Variants in ZNRF3 observed in about 807,000 individuals in gnomAD.
The protein encoded by ZNRF3 is E3 ubiquitin-protein ligase ZNRF3.
Under a neutral mutation model 72.5 loss-of-function variants are expected in ZNRF3, and 23 were observed. The observed-to-expected ratio is 0.32, with a 90% CI of 0.23 to 0.45. The LOEUF is 0.45. Among genes scored for constraint, ZNRF3 ranks in the 20% least tolerant of loss-of-function variants. The probability of loss-of-function intolerance (pLI) is 1.00; values close to 1 mark genes in which losing one functional copy is unlikely to be tolerated. For synonymous variants in ZNRF3, 610 were observed against 545.3 expected (o/e 1.12, Z -1.65); for missense variants, 1,169 against 1,272.1 (o/e 0.92, Z 1.23).
intron 1 of ZNRF3, among the ~76,000 whole-genome samples, chr22:28,968,705 G>A (rs1419999773): frequency 6.6e-6 from 1 of 152,094 alleles, no homozygotes; most frequent in East Asian, 1.9e-4. Flanking sequence ...GTGAAACTCC[G>A]TCTCCAAAAA....
At position 28,902,382 on chromosome 22, in the gene ZNRF3, C is replaced by CT. The variant is rs894089876; in HGVS notation, c.300+18326dup. 2.3e-3 allele frequency among the ~76,000 whole-genome samples: 337 copies of CT among 146,732 alleles called. 2 individuals carry two copies. Among genetic ancestry groups the CT allele is most frequent in the African/African-American group, 7.6e-3 (302 of 39,888 alleles). On this transcript the variant is annotated intron_variant, in intron 1 of 8. Coordinates refer to ENST00000544604, the MANE Select transcript of ZNRF3 (RefSeq NM_001206998.2). ...CGCAGACACCCAGCATTTGCCAGGC[C>CT]TTTTTTTTTTCTTTTTTTGAGATGG... is the stretch of plus-strand genomic sequence containing the variant.
At chr22:29,026,810 G>A (rs2036644976) in intron 2 of ZNRF3, 1 of 152,236 alleles carries the variant, frequency 6.6e-6, no homozygotes, top group African/African-American at 2.4e-5. Context: ...GATCATTGTT[G>A]TTTGGAGGCT....
intron 1 of ZNRF3, among the ~76,000 whole-genome samples, chr22:28,944,096 T>C (rs2035001489): frequency 6.6e-6 from 1 of 152,116 alleles, no homozygotes; most frequent in African/African-American, 2.4e-5. Flanking sequence ...CAATCATTTT[T>C]ATAAAAAGAT....
intron 1 of ZNRF3, among the ~76,000 whole-genome samples, chr22:28,886,311 C>A (rs1200243519): frequency 6.6e-6 from 1 of 152,162 alleles, no homozygotes; most frequent in Non-Finnish European, 1.5e-5. Flanking sequence ...TTTAGGGCCG[C>A]TGAGAGGGAA....
chr22:28,886,194 G>A (rs1326131951), intron 1 of ZNRF3, among the ~76,000 whole-genome samples: 1 of 152,188 alleles, frequency 6.6e-6, no homozygotes, highest in Non-Finnish European at 1.5e-5. Flanking sequence ...GTGTACAAAG[G>A]CTAGCATGCT....
In ZNRF3 at chr22:29,050,255, G is replaced by A; in HGVS notation, c.2074G>A (p.Gly692Arg). Residue 692 changes from glycine (G) to arginine (R), a missense_variant, in exon 8 of 9, where the codon GGG becomes AGG. Physicochemically the swap from Gly to Arg is moderately radical, Grantham distance 125. Coordinates refer to ENST00000544604, the MANE Select transcript of ZNRF3 (RefSeq NM_001206998.2). ...AGAAGTGGGGCTCGAGGCTTCTCCT[G>A]GGGCCGCCCCTGACCTCAGGAGGAC... ...TSEVGLEASPGAAPDLRRTWK... is the reference protein window; with the variant it reads ...TSEVGLEASPRAAPDLRRTWK... The A allele has an allele frequency of 1.3e-6, 2 of 1,598,850 alleles. No individual in the cohort carries two copies. The highest frequency in any genetic ancestry group is 1.7e-6 in the Non-Finnish European group (2 of 1,179,518).
chr22:29,017,998 T>G, intron 2 of ZNRF3: 1 of 519,066 alleles, frequency 1.9e-6, no homozygotes, highest in Non-Finnish European at 3.8e-6. Context: ...AGCTGGAAGA[T>G]GTGCGTATGC....
chr22:28,922,406 C>G (rs2034526435), intron 1 of ZNRF3, among the ~76,000 whole-genome samples: 1 of 152,142 alleles, frequency 6.6e-6, no homozygotes, highest in African/African-American at 2.4e-5. Context: ...ATTTAGCACC[C>G]TAGATGCCTG....
intron 1 of ZNRF3, among the ~76,000 whole-genome samples, chr22:28,927,972 G>C (rs957559196): frequency 6.6e-6 from 1 of 152,136 alleles, no homozygotes; most frequent in Non-Finnish European, 1.5e-5. Context: ...TGTTGTGCCT[G>C]TTGTATTTTG....
intron 1 of ZNRF3, among the ~76,000 whole-genome samples, chr22:28,899,483 G>T (rs2034064639): frequency 6.6e-6 from 1 of 152,160 alleles, no homozygotes; most frequent in Admixed American, 6.6e-5. Context: ...AGGGACCACG[G>T]TGACTGGGGC....
chr22:29,015,668 TAAAA>T (rs56728614), intron 2 of ZNRF3, among the ~76,000 whole-genome samples: 2 of 139,522 alleles, frequency 1.4e-5, no homozygotes. Flanking sequence ...AGATTCTGTT[TAAAA>T]AAAAAAAAAA....
intron 1 of ZNRF3, among the ~76,000 whole-genome samples, chr22:28,884,271 G>A (rs2033727326): frequency 6.6e-6 from 1 of 152,014 alleles, no homozygotes; most frequent in African/African-American, 2.4e-5. Context: ...GCGCACGTGG[G>A]GGCTAGAGCT....
chr22:29,026,888 T>A (rs1039440056), intron 2 of ZNRF3: 2 of 152,218 alleles, frequency 1.3e-5, no homozygotes, highest in African/African-American at 4.8e-5. Context: ...AAAAGCTCAA[T>A]TGTTTATTGC....
At chr22:28,889,090 G>C (rs760329054) in intron 1 of ZNRF3, among the ~76,000 whole-genome samples, 20 of 151,956 alleles carry the variant, frequency 1.3e-4, no homozygotes, top group Non-Finnish European at 2.4e-4. Flanking sequence ...ACTCCGGCTT[G>C]GGTGACAGAG....
intron 1 of ZNRF3, among the ~76,000 whole-genome samples, chr22:28,907,147 C>T (rs2034223543): frequency 7.0e-6 from 1 of 143,530 alleles, no homozygotes; most frequent in Non-Finnish European, 1.5e-5. Flanking sequence ...CACGCCCGTC[C>T]AGTTTTTTTT....
chr22:29,016,974 A>C (rs542950227), intron 2 of ZNRF3, among the ~76,000 whole-genome samples: 13 of 152,362 alleles, frequency 8.5e-5, no homozygotes, highest in East Asian at 1.9e-4. Flanking sequence ...TGAGACAGCT[A>C]TTCTTTGCCC....
chr22:28,914,338 A>G (rs1278254539), intron 1 of ZNRF3, among the ~76,000 whole-genome samples: 2 of 152,124 alleles, frequency 1.3e-5, no homozygotes, highest in Non-Finnish European at 2.9e-5. Flanking sequence ...AGGGAAGAGT[A>G]AATAGGCTCT....
At chr22:28,937,337 G>A (rs531208774) in intron 1 of ZNRF3, among the ~76,000 whole-genome samples, 194 of 151,020 alleles carry the variant, frequency 1.3e-3, no homozygotes, top group African/African-American at 4.5e-3. Context: ...TTTAGTGGTG[G>A]CTGCGGCTGG....
chr22:28,940,222 G>T (rs2034916258), intron 1 of ZNRF3, among the ~76,000 whole-genome samples: 1 of 152,170 alleles, frequency 6.6e-6, no homozygotes, highest in South Asian at 2.1e-4. Context: ...ATACTGTAAA[G>T]AAGTTTTGGT....
Sources: gnomAD v4.1 joint callset for allele counts (sites outside exome capture counted in the v4.1 genomes callset) on GRCh38, gnomAD v4.1.1 for gene constraint, MANE v1.5 for transcripts, NCBI Gene and HGNC (gene_info 2026-07-23, HGNC 2026-07-21) for gene names.